PLEKHS1: variants seen among roughly 807,000 people sequenced by gnomAD.
PLEKHS1 encodes the protein pleckstrin homology domain-containing family S member 1.
A neutral mutation model predicts 51.0 loss-of-function variants in PLEKHS1; 55 were observed. The observed-to-expected ratio is 1.08, with a 90% confidence interval of 0.87 to 1.35. The LOEUF (loss-of-function observed/expected upper bound fraction) is 1.35, where lower values mean the gene tolerates loss of function less well. Among genes scored for constraint, PLEKHS1 ranks in the 40% most tolerant of loss-of-function variants. PLEKHS1 has a pLI of 0.00. For missense variants in PLEKHS1, 398 were observed against 423.0 expected (o/e 0.94, Z 0.52); for synonymous variants, 153 against 144.8 (o/e 1.06, Z -0.41).
intron 5 of PLEKHS1, 48 bp downstream of exon 5, chr10:113,767,527 A>G: frequency 1.3e-6 from 2 of 1,550,920 alleles, no homozygotes; most frequent in Non-Finnish European, 8.7e-7. Flanking sequence ...GCAAAACAAA[A>G]ACAAACCAAA....
chr10:113,781,784 CCAACAACT>C (rs370868355), exon 12 of PLEKHS1: 1 of 113,900 alleles, frequency 8.8e-6, no homozygotes, highest in African/African-American at 2.8e-5. Flanking sequence ...TCCCCCTTCC[CCAACAACT>C]CCTTCCCCAA....
chr10:113,771,674 CA>C (rs11383972), intron 7 of PLEKHS1, among the ~76,000 whole-genome samples: 133 of 74,564 alleles, frequency 1.8e-3, no homozygotes, highest in African/African-American at 3.4e-3. Context: ...GACTCTGTCT[CA>C]AAAAAAAAAA....
At chr10:113,779,974 C>T (rs1291400621) in intron 11 of PLEKHS1, among the ~76,000 whole-genome samples, 1 of 152,170 alleles carries the variant, frequency 6.6e-6, no homozygotes, top group African/African-American at 2.4e-5. Context: ...AAAATTCAAA[C>T]ACATAGTCCC....
exon 12 of PLEKHS1, chr10:113,781,679 A>C (rs1844874733): frequency 1.1e-5 from 1 of 90,852 alleles, no homozygotes; most frequent in Non-Finnish European, 2.2e-5. Context: ...CCTTCCCAAC[A>C]CCGCCTTCCC....
intron 9 of PLEKHS1, 103 bp from the exon 10 acceptor site, chr10:113,774,723 C>A: frequency 1.0e-6 from 1 of 985,160 alleles, no homozygotes; most frequent in Non-Finnish European, 1.5e-6. Flanking sequence ...CAAGACCTTG[C>A]TAGTCTTCAC....
chr10:113,774,875 C>A (rs1844575558), exon 10 of PLEKHS1: 2 of 1,614,006 alleles, frequency 1.2e-6, no homozygotes, highest in Non-Finnish European at 1.7e-6. Flanking sequence ...CAAAGAGGAA[C>A]CCCAGACCCT....
chr10:113,766,297 C>T, intron 2 of PLEKHS1, 114 bp from the exon 3 acceptor site: 1 of 660,852 alleles, frequency 1.5e-6, no homozygotes. Context: ...TGTCCTTTTC[C>T]ATAACTACTG....
intron 1 of PLEKHS1, among the ~76,000 whole-genome samples, chr10:113,753,782 T>A (rs1317156535): frequency 6.7e-6 from 1 of 150,082 alleles, no homozygotes; most frequent in Non-Finnish European, 1.5e-5. Context: ...GATTTTCATC[T>A]CTGAACACAT....
At chr10:113,772,912 G>T (rs1844477849) in intron 8 of PLEKHS1, among the ~76,000 whole-genome samples, 1 of 152,274 alleles carries the variant, frequency 6.6e-6, no homozygotes, top group African/African-American at 2.4e-5. Flanking sequence ...TTCTGAGTTG[G>T]GAAATCTCAA....
At chr10:113,764,318 T>C (rs1465288992) in intron 2 of PLEKHS1, among the ~76,000 whole-genome samples, 3 of 152,166 alleles carry the variant, frequency 2.0e-5, no homozygotes, top group Non-Finnish European at 4.4e-5. Flanking sequence ...CAAGCTGGTC[T>C]CAAACCCCTG....
exon 8 of PLEKHS1, chr10:113,772,040 A>T (rs771863522): frequency 1.9e-6 from 3 of 1,613,958 alleles, no homozygotes; most frequent in Admixed American, 3.3e-5. Flanking sequence ...GCCACTCAAG[A>T]TGTGAAGGAA....
intron 7 of PLEKHS1, among the ~76,000 whole-genome samples, chr10:113,771,027 C>G (rs571785677): frequency 6.6e-6 from 1 of 152,128 alleles, no homozygotes; most frequent in African/African-American, 2.4e-5. Flanking sequence ...TTCTAGAGAA[C>G]ATTCAGGGTC....
At chr10:113,767,563 C>T in intron 5 of PLEKHS1, 84 bp downstream of exon 5, 2 of 1,352,690 alleles carry the variant, frequency 1.5e-6, no homozygotes, top group Non-Finnish European at 2.0e-6. Context: ...TACCAATAAA[C>T]ATGTTCTGAA....
At chr10:113,753,956 C>T (rs762191260) in intron 1 of PLEKHS1, among the ~76,000 whole-genome samples, 19 of 151,814 alleles carry the variant, frequency 1.3e-4, no homozygotes, top group Non-Finnish European at 2.4e-4. Flanking sequence ...TACAGGTGCC[C>T]GCCACCACGC....
chr10:113,767,105 A>C (rs547265204), intron 4 of PLEKHS1, among the ~76,000 whole-genome samples: 364 of 152,330 alleles, frequency 2.4e-3, no homozygotes, highest in African/African-American at 8.2e-3. Flanking sequence ...TGAAAAACAT[A>C]ATTTGTGGAA....
exon 12 of PLEKHS1, chr10:113,782,065 C>G (rs939046571): frequency 1.3e-5 from 2 of 152,078 alleles, no homozygotes; most frequent in African/African-American, 4.8e-5. Context: ...CCTGGAAGGC[C>G]AAAGGAATAA....
intron 11 of PLEKHS1, among the ~76,000 whole-genome samples, chr10:113,779,721 C>T (rs1053937120): frequency 1.3e-5 from 2 of 152,202 alleles, no homozygotes; most frequent in Non-Finnish European, 2.9e-5. Flanking sequence ...TGAGCAGATC[C>T]AGGAACTGTA....
intron 2 of PLEKHS1, among the ~76,000 whole-genome samples, chr10:113,755,966 T>C (rs1466496173): frequency 2.0e-5 from 3 of 152,248 alleles, no homozygotes; most frequent in Non-Finnish European, 4.4e-5. Context: ...GCCTGCATTG[T>C]CACCAGGGCT....
At chr10:113,777,462 T>A in intron 11 of PLEKHS1, 1 of 1,599,208 alleles carries the variant, frequency 6.3e-7, no homozygotes, top group Non-Finnish European at 8.5e-7. Flanking sequence ...GGCACTGAGC[T>A]AAGAGACAGA....
Sources: gnomAD v4.1 joint callset for allele counts (sites outside exome capture counted in the v4.1 genomes callset) on GRCh38, gnomAD v4.1.1 for gene constraint, MANE v1.5 for transcripts, NCBI Gene and HGNC (gene_info 2026-07-23, HGNC 2026-07-21) for gene names.